NPAS3: variants seen among roughly 807,000 people sequenced by gnomAD.
NPAS3 encodes neuronal PAS domain protein 3.
NPAS3 carries 14 observed loss-of-function variants against 73.1 expected under a neutral mutation model. The ratio of observed to expected loss-of-function variants is 0.19; its 90% CI spans 0.13 to 0.30. The LOEUF is 0.30. Among genes scored for constraint, NPAS3 ranks in the 10% least tolerant of loss-of-function variants. NPAS3 has a pLI of 1.00. For missense variants in NPAS3, 1,096 were observed against 1,250.0 expected, an observed-to-expected ratio of 0.88 and a Z score of 1.86; for synonymous variants, 620 against 541.5, an observed-to-expected ratio of 1.14 and a Z score of -2.01.
At chr14:33,064,713 A>C (rs745418559) in intron 2 of NPAS3, among the ~76,000 whole-genome samples, 3 of 152,236 alleles carry the variant, frequency 2.0e-5, no homozygotes, top group Non-Finnish European at 2.9e-5. Context: ...ACAGGTAAGC[A>C]TAAAGAAAGA....
At chr14:33,612,526 A>G (rs1198491709) in intron 5 of NPAS3, 3 of 455,950 alleles carry the variant, frequency 6.6e-6, no homozygotes, top group Admixed American at 4.7e-5. Flanking sequence ...GAAGGAGTTT[A>G]GTTCCTCTGG....
rs541200276 is a variant in NPAS3 at position 33,381,568 on chromosome 14, G to A, written c.468+14300G>A. Among the ~76,000 whole-genome samples, 5 of 152,252 alleles carry A rather than the reference G, an allele frequency of 3.3e-5. No individual in the cohort carries two copies. The East Asian group carries it at 9.6e-4, about 29-fold the overall frequency. On this transcript the variant is annotated intron_variant, in intron 4 of 11. Transcript: ENST00000356141. ...TTGGTGGGGGAAAAAGTAGTAAAGGGATTTGCTTAAGGTCCCATGGCTATT... is the reference window on the plus strand; with the variant it reads ...TTGGTGGGGGAAAAAGTAGTAAAGGAATTTGCTTAAGGTCCCATGGCTATT...
At chr14:33,688,697 T>C (rs551755547) in intron 6 of NPAS3, among the ~76,000 whole-genome samples, 1 of 152,282 alleles carries the variant, frequency 6.6e-6, no homozygotes, top group East Asian at 1.9e-4. Flanking sequence ...ACCTGTCAAC[T>C]CCAAGTTCCA....
chr14:33,144,029 A>G (rs1284428641), intron 2 of NPAS3, among the ~76,000 whole-genome samples: 1 of 152,198 alleles, frequency 6.6e-6, no homozygotes, highest in Non-Finnish European at 1.5e-5. Context: ...ATTTGGGCAC[A>G]TGTATTTGTT....
chr14:33,197,360 T>G (rs1211298022), intron 2 of NPAS3, among the ~76,000 whole-genome samples: 1 of 152,016 alleles, frequency 6.6e-6, no homozygotes, highest in Non-Finnish European at 1.5e-5. Flanking sequence ...TGTCTCTTGC[T>G]CCCACCTGCT....
intron 1 of NPAS3, among the ~76,000 whole-genome samples, chr14:32,994,841 A>G (rs954868993): frequency 2.6e-5 from 4 of 152,178 alleles, no homozygotes; most frequent in African/African-American, 7.2e-5. Flanking sequence ...CATGTTGGCC[A>G]GGCTGGTCTC....
chr14:33,140,119 C>T (rs1202571098), intron 2 of NPAS3, among the ~76,000 whole-genome samples: 1 of 152,116 alleles, frequency 6.6e-6, no homozygotes, highest in Admixed American at 6.6e-5. Context: ...TTTCACCACT[C>T]CTCTTTGGTG....
chr14:33,500,259 G>T (rs2052446270), intron 4 of NPAS3, among the ~76,000 whole-genome samples: 1 of 151,826 alleles, frequency 6.6e-6, no homozygotes, highest in Non-Finnish European at 1.5e-5. Flanking sequence ...GGCGGGGTTG[G>T]GAGTTTAAGA....
intron 3 of NPAS3, among the ~76,000 whole-genome samples, chr14:33,250,600 T>C (rs554881687): frequency 6.6e-6 from 1 of 152,260 alleles, no homozygotes; most frequent in Admixed American, 6.5e-5. Flanking sequence ...CTGTTTACTT[T>C]GACTTGCACC....
intron 2 of NPAS3, among the ~76,000 whole-genome samples, chr14:33,062,290 GAAAAAAAAAAGA>G (rs996909327): frequency 2.9e-4 from 33 of 113,466 alleles, no homozygotes; most frequent in African/African-American, 1.0e-3. Flanking sequence ...TCCCACCTAT[GAAAAAAAAAAGA>G]AAAAAAAAAA....
At chr14:33,548,347 A>G (rs1328664886) in intron 4 of NPAS3, among the ~76,000 whole-genome samples, 3 of 152,244 alleles carry the variant, frequency 2.0e-5, no homozygotes, top group Non-Finnish European at 4.4e-5. Context: ...GTTCTAACAC[A>G]TCTTCAGCTA....
At chr14:33,571,874 A>T (rs1182188580) in intron 5 of NPAS3, among the ~76,000 whole-genome samples, 4 of 152,240 alleles carry the variant, frequency 2.6e-5, no homozygotes, top group African/African-American at 9.6e-5. Context: ...AAACAAGGGT[A>T]CTGAAGTGCT....
In NPAS3 at chr14:33,688,301, G is replaced by A. The variant is rs1474279607; in HGVS notation, c.733+11916G>A. On this transcript the variant is annotated intron_variant, in intron 6 of 11. Coordinates refer to ENST00000356141, the Ensembl canonical transcript of NPAS3. Reference sequence around the variant, plus strand: ...TTCTCACTGGAAATTGACAATGAATGTTAGCTTAGTAAAAATTTGAAATTC... The same window carrying A: ...TTCTCACTGGAAATTGACAATGAATATTAGCTTAGTAAAAATTTGAAATTC... Among the ~76,000 whole-genome samples the A allele has an allele frequency of 2.0e-5, 3 of 152,190 alleles. No individual in the cohort carries two copies. In the East Asian group the frequency reaches 5.8e-4, roughly 29 times the overall value.
intron 6 of NPAS3, among the ~76,000 whole-genome samples, chr14:33,706,086 C>T (rs963052235): frequency 1.3e-5 from 2 of 152,178 alleles, no homozygotes; most frequent in Non-Finnish European, 2.9e-5. Context: ...TGACAAATCC[C>T]GGGATGACAT....
intron 3 of NPAS3, among the ~76,000 whole-genome samples, chr14:33,291,662 T>C (rs2042104413): frequency 6.6e-6 from 1 of 152,232 alleles, no homozygotes; most frequent in African/African-American, 2.4e-5. Context: ...CCACTTTCTG[T>C]TCAGGTACAA....
chr14:33,784,739 TTATTTA>T (rs2063097948), intron 9 of NPAS3, among the ~76,000 whole-genome samples: 21 of 100,758 alleles, frequency 2.1e-4, no homozygotes, highest in East Asian at 1.4e-3. Context: ...ATTTATTTAT[TTATTTA>T]TTTTTTTTTT....
chr14:33,015,270 A>G (rs2039349448), intron 1 of NPAS3, among the ~76,000 whole-genome samples: 1 of 152,220 alleles, frequency 6.6e-6, no homozygotes, highest in East Asian at 1.9e-4. Flanking sequence ...AGGACTGGGA[A>G]GAATGACCTT....
Position 33,778,583 on chromosome 14 carries a change from C to T in NPAS3, c.1153+11C>T, listed in dbSNP as rs549074013. ...ACAGTCACTTGGACTGTAAGTACCT[C>T]CTGTGTGGGGGAATAACCCCGGCTG... On this transcript the variant is annotated intron_variant, in intron 9 of 11. Transcript: ENST00000356141. The T allele has an allele frequency of 1.3e-5, 20 of 1,580,704 alleles. No homozygotes were observed. In the East Asian group the frequency reaches 4.0e-4, roughly 32 times the overall value.
intron 4 of NPAS3, among the ~76,000 whole-genome samples, chr14:33,559,215 C>T (rs974298135): frequency 1.2e-4 from 18 of 152,106 alleles, no homozygotes; most frequent in African/African-American, 3.4e-4. Flanking sequence ...CTAAAACTGT[C>T]ACTATAAAAC....
Sources: allele counts gnomAD v4.1 joint callset (sites outside exome capture counted in the v4.1 genomes callset), GRCh38; gene constraint gnomAD v4.1.1; transcripts MANE v1.5; gene names NCBI Gene and HGNC (gene_info 2026-07-23, HGNC 2026-07-21).